Variants in RASSF4 observed in about 807,000 individuals in gnomAD.
RASSF4 encodes ras association domain-containing protein 4.
RASSF4 carries 38 observed loss-of-function variants against 41.1 expected under a neutral mutation model. The observed-to-expected ratio is 0.92, with a 90% CI of 0.71 to 1.21. The LOEUF (loss-of-function observed/expected upper bound fraction) is 1.21. Ranked by LOEUF, RASSF4 falls within the 50% of genes most tolerant of loss-of-function variation. The pLI, the probability that RASSF4 is intolerant of heterozygous loss-of-function variation, is 0.00. For missense variants in RASSF4, 414 were observed against 419.4 expected, an observed-to-expected ratio of 0.99 and a Z score of 0.11; for synonymous variants, 179 against 163.4, an observed-to-expected ratio of 1.10 and a Z score of -0.73.
At position 44,989,664 on chromosome 10, in the gene RASSF4, G is replaced by T; in HGVS notation, c.634-6G>T. ...GTGATCTGACTTCCTGTGACTGCCTGTGCAGGTGGAAGATGGCCCCAGTGA... is the reference window on the plus strand; with the variant it reads ...GTGATCTGACTTCCTGTGACTGCCTTTGCAGGTGGAAGATGGCCCCAGTGA... On this transcript the variant is annotated splice_polypyrimidine_tract_variant and splice_region_variant and intron_variant, in intron 7 of 10. Transcript: ENST00000340258. The T allele has an allele frequency of 1.9e-6, 3 of 1,614,132 alleles. No individual in the cohort carries two copies. The highest frequency in any genetic ancestry group is 2.5e-6 in the Non-Finnish European group (3 of 1,179,934).
chr10:44,982,378 G>A, intron 3 of RASSF4, 143 bp from the exon 4 acceptor site: 1 of 997,982 alleles, frequency 1.0e-6, no homozygotes, highest in Non-Finnish European at 1.5e-6. Flanking sequence ...GCACGTAGTG[G>A]CTGATGGTCC....
Position 44,975,624 on chromosome 10 carries a change from G to A in RASSF4, c.138+3776G>A, listed in dbSNP as rs139564708. On this transcript the variant is annotated intron_variant, in intron 3 of 10. Transcript: ENST00000340258. ...CCCAGTGGCAAGAAGGAAGGAGAAT[G>A]TAACTGCTCTACAAGGGCCCCACCA... Among the ~76,000 whole-genome samples the A allele has an allele frequency of 4.6e-4, 64 of 137,780 alleles. 1 individual carries two copies. The East Asian group carries it at 8.1e-3, about 18-fold the overall frequency. 90.4% of individuals were successfully genotyped at this position (137,780 alleles called of 152,430 possible).
intron 6 of RASSF4, among the ~76,000 whole-genome samples, chr10:44,988,586 C>G (rs1296024646): frequency 6.6e-6 from 1 of 152,202 alleles, no homozygotes; most frequent in Non-Finnish European, 1.5e-5. Flanking sequence ...CCCCAGGAAG[C>G]CTTCAGATAC....
At chr10:44,971,896 C>A (rs1841186696) in intron 3 of RASSF4, 48 bp downstream of exon 3, 2 of 1,376,100 alleles carry the variant, frequency 1.5e-6, no homozygotes, top group Non-Finnish European at 1.0e-6. Context: ...CCCTGGGAGG[C>A]CCTGCCTGAT....
chr10:44,989,583 T>G lies in RASSF4; in HGVS notation c.634-87T>G. On this transcript the variant is annotated intron_variant, in intron 7 of 10. Coordinates refer to ENST00000340258, the MANE Select transcript of RASSF4 (RefSeq NM_032023.4). ...TCCTTGCAACTTGCGTGTGTGTTACTGGGGGTGTAGTTACTGTCAGGGGAC... is the reference window on the plus strand; with the variant it reads ...TCCTTGCAACTTGCGTGTGTGTTACGGGGGGTGTAGTTACTGTCAGGGGAC... 6 of 1,216,880 alleles carry G rather than the reference T, an allele frequency of 4.9e-6. No homozygotes were observed. The South Asian group carries it at 6.0e-5, about 12-fold the overall frequency. 75.4% of individuals were successfully genotyped at this position (1,216,880 alleles called of 1,614,324 possible). A position where few individuals can be genotyped will look rare whatever the true frequency, so the allele number is the denominator to read the frequency against.
Position 44,989,254 on chromosome 10 carries a change from T to C in RASSF4, c.532-20T>C, listed in dbSNP as rs767600687. The C allele has an allele frequency of 1.9e-6, 3 of 1,557,218 alleles. No homozygotes were observed. Among genetic ancestry groups the C allele is most frequent in the Non-Finnish European group, 2.7e-6 (3 of 1,129,218 alleles). Reference sequence around the variant, plus strand: ...GTCCCCTCTGGGCCTGACCTGAACTTCTCTCCCTTCCTGGTACAGACCTCC... The same window carrying C: ...GTCCCCTCTGGGCCTGACCTGAACTCCTCTCCCTTCCTGGTACAGACCTCC... On this transcript the variant is annotated intron_variant, in intron 6 of 10. Coordinates refer to ENST00000340258, the MANE Select transcript of RASSF4 (RefSeq NM_032023.4).
Position 44,974,110 on chromosome 10 carries a change from G to C in RASSF4, c.138+2262G>C, listed in dbSNP as rs546425944. On this transcript the variant is annotated intron_variant, in intron 3 of 10. Transcript: ENST00000340258. ...CACTGATAGGCACAACTGGTCCCTG[G>C]GGCACCAAGCCCCTCCAGGTCTCAC... Among the ~76,000 whole-genome samples, 170 of 152,286 alleles carry C rather than the reference G, an allele frequency of 1.1e-3. 1 individual carries two copies. Among genetic ancestry groups the C allele is most frequent in the Non-Finnish European group, 1.8e-3 (120 of 68,004 alleles).
At chr10:44,988,195 T>C (rs930639454) in intron 6 of RASSF4, among the ~76,000 whole-genome samples, 45 of 152,182 alleles carry the variant, frequency 3.0e-4, no homozygotes, top group African/African-American at 1.1e-3. Context: ...GCTCTGTCTT[T>C]TCTAGGTGGG....
At chr10:44,971,668 T>A in intron 2 of RASSF4, 105 bp from the exon 3 acceptor site, 3 of 887,486 alleles carry the variant, frequency 3.4e-6, no homozygotes, top group Non-Finnish European at 5.8e-6. Context: ...AAGGGTGCTG[T>A]CACACTCCTG....
At position 44,982,284 on chromosome 10, in the gene RASSF4, T is replaced by C. The variant is rs563642859; in HGVS notation, c.139-237T>C. The C allele has an allele frequency of 2.6e-4, 145 of 564,538 alleles. 2 individuals carry two copies. The South Asian group carries it at 2.8e-3, about 11-fold the overall frequency. 35.0% of individuals were successfully genotyped at this position (564,538 alleles called of 1,614,324 possible). On this transcript the variant is annotated intron_variant, in intron 3 of 10. Transcript: ENST00000340258. ...CCTGTGGGACACCTGACTCAGCCAC[T>C]GTGTTCTGCGCTGTGCCCCTGGCCA...
intron 3 of RASSF4, 60 bp downstream of exon 3, chr10:44,971,908 C>CAACAGGTATCAGG: frequency 3.3e-6 from 4 of 1,212,940 alleles, no homozygotes; most frequent in Non-Finnish European, 4.8e-6. Flanking sequence ...CTGCCTGATA[C>CAACAGGTATCAGG]CTGTTGTTTC....
At chr10:44,974,623 C>A (rs890953554) in intron 3 of RASSF4, among the ~76,000 whole-genome samples, 2 of 14,436 alleles carry the variant, frequency 1.4e-4, no homozygotes, top group Admixed American at 1.2e-3. Flanking sequence ...CTGAAAGAGA[C>A]CCCCCCGTGT....
chr10:44,995,028 T>A lies in RASSF4; in HGVS notation c.*1699T>A, dbSNP rs1290675731. The A allele has an allele frequency of 6.6e-6, 1 of 152,214 alleles. No individual in the cohort carries two copies. The highest frequency in any genetic ancestry group is 1.5e-5 in the Non-Finnish European group (1 of 68,098). The allele number at this position is 152,214 out of a possible 1,614,324, so 9.4% of individuals were successfully genotyped here. A position where few individuals can be genotyped will look rare whatever the true frequency, so the allele number is the denominator to read the frequency against. On this transcript the variant is annotated 3_prime_UTR_variant, in exon 11 of 11. Transcript: ENST00000340258. ...AGCATCAGGAGGGCCCCAAGAATCT[T>A]CCAGGCCAGGGGCTCAGGTGGGATG...
intron 9 of RASSF4, chr10:44,991,337 T>A (rs1033491142): frequency 4.0e-5 from 14 of 351,682 alleles, no homozygotes; most frequent in Non-Finnish European, 5.6e-5. Context: ...TAAAGTCTTT[T>A]CCTTCATTGG....
At chr10:44,983,285 T>G (rs1455693704) in intron 4 of RASSF4, 5 of 249,180 alleles carry the variant, frequency 2.0e-5, no homozygotes, top group Non-Finnish European at 4.0e-5. Context: ...AGATTTCATA[T>G]GAAACCCATG....
chr10:44,971,178 C>T, intron 2 of RASSF4: 1 of 310,388 alleles, frequency 3.2e-6, no homozygotes, highest in Non-Finnish European at 6.4e-6. Context: ...CAGGCCTCCC[C>T]TTCCTCCAAC....
At chr10:44,982,973 A>C in intron 4 of RASSF4, 1 of 636,730 alleles carries the variant, frequency 1.6e-6, no homozygotes. Context: ...TGCAAGCCGA[A>C]CATGTCTCGC....
rs751145500 is a variant in RASSF4, at chr10:44,984,827, G to A, written c.388G>A (p.Ala130Thr). Residue 130 changes from alanine (A) to threonine (T), a missense_variant, in exon 6 of 11, where the codon GCA becomes ACA. Transcript: ENST00000340258. ...TTCTCATGCAGGGCCCCTGGAGGAG[G>A]CAGAGGAGGCCCCCCAGCTGATGCG... ...STDSSGPLEE[A>T]EEAPQLMRTK... The A allele has an allele frequency of 5.0e-6, 8 of 1,613,512 alleles. No individual in the cohort carries two copies. The South Asian group carries it at 8.8e-5, about 18-fold the overall frequency.
chr10:44,975,852 G>T (rs1841402213), intron 3 of RASSF4, among the ~76,000 whole-genome samples: 1 of 151,842 alleles, frequency 6.6e-6, no homozygotes, highest in Non-Finnish European at 1.5e-5. Flanking sequence ...CCCAGATGCA[G>T]CGAGGTGGCT....
Sources: gnomAD v4.1 joint callset for allele counts (sites outside exome capture counted in the v4.1 genomes callset) on GRCh38, gnomAD v4.1.1 for gene constraint, MANE v1.5 for transcripts, NCBI Gene and HGNC (gene_info 2026-07-23, HGNC 2026-07-21) for gene names.